The following MACF1 variants were observed in gnomAD, a reference collection of about 807,000 sequenced individuals.
MACF1 encodes microtubule-actin cross-linking factor 1.
In MACF1, 193 loss-of-function variants were observed where a neutral mutation model predicts 854.8. The observed-to-expected ratio is 0.23, with a 90% CI of 0.20 to 0.25. The LOEUF is 0.25. Ranked by LOEUF, MACF1 falls within the 10% of genes least tolerant of loss-of-function variation. The pLI is 1.00. For missense variants in MACF1, 7,722 were observed against 8,929.1 expected, an observed-to-expected ratio of 0.86 and a Z score of 5.45; for synonymous variants, 3,185 against 3,226.7, an observed-to-expected ratio of 0.99 and a Z score of 0.44.
Position 39,310,886 on chromosome 1 carries a change from G to C in MACF1, c.3156G>C (p.Arg1052=). 1 of 1,614,136 alleles carries C rather than the reference G, an allele frequency of 6.2e-7. No homozygotes were observed. The highest frequency in any genetic ancestry group is 8.5e-7 in the Non-Finnish European group (1 of 1,179,996). The change falls in exon 26 of 101, where the codon CGG becomes CGC. Residue 1052 remains arginine, a synonymous_variant. Transcript: ENST00000564288. The part of the protein sequence containing the change: ...KMYISELKNI[R]LRLEEYEQRV... ...ACATTTCAGAGTTGAAGAACATCCG[G>C]CTACGCCTGGAGGAGTATGAACAGA...
Position 39,303,587 on chromosome 1 carries a change from C to CAG in MACF1, c.2789+510_2789+511insGA, listed in dbSNP as rs1413849190. Among the ~76,000 whole-genome samples, 7 of 150,714 alleles carry CAG rather than the reference C, an allele frequency of 4.6e-5. No homozygotes were observed. In the East Asian group the frequency reaches 1.4e-3, roughly 29 times the overall value. ...AAAGATTGGGCTGGGCACAGTGGCT[C>CAG]ATGTCTGTAATCCCAACACTTTGGG... On this transcript the variant is annotated intron_variant, in intron 23 of 100. Coordinates refer to ENST00000564288, the MANE Select transcript of MACF1 (RefSeq NM_001394062.1).
At chr1:39,108,757 A>G (rs1642316446) in intron 2 of MACF1, among the ~76,000 whole-genome samples, 1 of 152,208 alleles carries the variant, frequency 6.6e-6, no homozygotes, top group South Asian at 2.1e-4. Context: ...AAACCAGCAC[A>G]CTTGGTTGAT....
chr1:39,264,629 G>A (rs1010854713), intron 6 of MACF1, among the ~76,000 whole-genome samples: 3 of 149,862 alleles, frequency 2.0e-5, no homozygotes, highest in African/African-American at 7.4e-5. Flanking sequence ...GAGACCGACT[G>A]ACTTTTTTGG....
chr1:39,420,623 T>A (rs1463254108), intron 58 of MACF1, among the ~76,000 whole-genome samples: 2 of 152,214 alleles, frequency 1.3e-5, no homozygotes, highest in Non-Finnish European at 2.9e-5. Context: ...TAGCCAGCCA[T>A]AGACCATTCT....
At chr1:39,408,779 C>G (rs1327334527) in intron 58 of MACF1, among the ~76,000 whole-genome samples, 4 of 151,944 alleles carry the variant, frequency 2.6e-5, no homozygotes, top group African/African-American at 9.7e-5. Context: ...CCTCTGGCCC[C>G]GGGGCGCGGT....
intron 1 of MACF1, among the ~76,000 whole-genome samples, chr1:39,209,046 G>A (rs1644486432): frequency 6.6e-6 from 1 of 150,760 alleles, no homozygotes; most frequent in African/African-American, 2.4e-5. Context: ...GAGGTCAGGA[G>A]TTCGAGACCA....
At chr1:39,125,540 G>C (rs1047867717) in intron 2 of MACF1, among the ~76,000 whole-genome samples, 3 of 152,170 alleles carry the variant, frequency 2.0e-5, no homozygotes, top group African/African-American at 4.8e-5. Flanking sequence ...TAGGGAAGCA[G>C]ATATACCAGA....
chr1:39,304,189 C>A (rs1433185515), intron 23 of MACF1: 1 of 127,560 alleles, frequency 7.8e-6, no homozygotes, highest in Admixed American at 8.0e-5. Context: ...CCCATCCCCC[C>A]ACCCCACAAC....
rs955362924 is a variant in MACF1 at position 39,268,715 on chromosome 1, C to T, written c.528+10687C>T. On this transcript the variant is annotated intron_variant, in intron 6 of 100. Transcript: ENST00000564288. ...GGAAGGAAATGGGAAATTCACTGGG[C>T]TGTTTTAAGGAGCCGAAAGAGTCAA... is the stretch of plus-strand genomic sequence containing the variant. 6 of 1,281,078 alleles carry T rather than the reference C, an allele frequency of 4.7e-6. No homozygotes were observed. The African/African-American group carries it at 9.2e-5, about 20-fold the overall frequency. 79.4% of individuals were successfully genotyped at this position (1,281,078 alleles called of 1,614,324 possible). A position where few individuals can be genotyped will look rare whatever the true frequency, so the allele number is the denominator to read the frequency against.
intron 43 of MACF1, among the ~76,000 whole-genome samples, chr1:39,352,193 T>C (rs1404580883): frequency 6.6e-6 from 1 of 152,200 alleles, no homozygotes; most frequent in East Asian, 1.9e-4. Context: ...GATTAATATA[T>C]AACTTGGCAT....
chr1:39,294,186 A>G (rs1007400700), intron 18 of MACF1, among the ~76,000 whole-genome samples: 2 of 152,228 alleles, frequency 1.3e-5, no homozygotes, highest in African/African-American at 4.8e-5. Context: ...TCATTTATTA[A>G]CTTTTTTGTT....
Position 39,465,083 on chromosome 1 carries a change from T to C in MACF1, c.21754-12T>C, listed in dbSNP as rs1200591937. 3 of 1,612,184 alleles carry C rather than the reference T, an allele frequency of 1.9e-6. No homozygotes were observed. The Admixed American group carries it at 5.0e-5, about 27-fold the overall frequency. ...CTCCTTTCCTCCATCCTTTACTCTT[T>C]ACTGTCTATAGTTCTTCCTCGGCAA... is the stretch of plus-strand genomic sequence containing the variant. On this transcript the variant is annotated splice_polypyrimidine_tract_variant and intron_variant, in intron 94 of 100. Coordinates refer to ENST00000564288, the MANE Select transcript of MACF1 (RefSeq NM_001394062.1).
At position 39,285,469 on chromosome 1, in the gene MACF1, A is replaced by C. The variant is rs967235206; in HGVS notation, c.1353+79A>C. 1.9e-6 allele frequency: 3 copies of C among 1,544,846 alleles called. No individual in the cohort carries two copies. The Admixed American group carries it at 5.3e-5, about 27-fold the overall frequency. On this transcript the variant is annotated intron_variant, in intron 13 of 100. Transcript: ENST00000564288. ...ACCCTCTGCTCTAATTGTTGAAGTT[A>C]GCAATCGAGGAATCCAGATGTATTA... is the stretch of plus-strand genomic sequence containing the variant.
chr1:39,412,685 A>G, intron 58 of MACF1: 1 of 1,614,038 alleles, frequency 6.2e-7, no homozygotes, highest in Non-Finnish European at 8.5e-7. Context: ...TCATTCCTAA[A>G]TATTTTTCCA....
intron 58 of MACF1, among the ~76,000 whole-genome samples, chr1:39,404,141 ATAAGTAAG>A (rs199609612): frequency 2.4e-4 from 33 of 138,114 alleles, no homozygotes; most frequent in African/African-American, 8.6e-4. Context: ...AAATAAATAA[ATAAGTAAG>A]TAAATAAATA....
intron 6 of MACF1, among the ~76,000 whole-genome samples, chr1:39,274,192 A>T (rs1052747079): frequency 7.9e-5 from 12 of 152,188 alleles, no homozygotes; most frequent in African/African-American, 2.9e-4. Flanking sequence ...TTTCCATTTC[A>T]AATAGAAAAT....
chr1:39,485,920 T>G lies in MACF1; in HGVS notation c.*126T>G. On this transcript the variant is annotated 3_prime_UTR_variant, in exon 101 of 101. Coordinates refer to ENST00000564288, the MANE Select transcript of MACF1 (RefSeq NM_001394062.1). ...TAAAAGAATAATTGTGTTATGAAGC[T>G]GCCTTATTTTTTTTCTTTTTGTAAG... The G allele has an allele frequency of 9.1e-7, 1 of 1,099,332 alleles. No homozygotes were observed. The highest frequency in any genetic ancestry group is 1.2e-6 in the Non-Finnish European group (1 of 848,452). 68.1% of individuals were successfully genotyped at this position (1,099,332 alleles called of 1,614,324 possible).
At chr1:39,127,024 G>T (rs1444542697) in intron 2 of MACF1, among the ~76,000 whole-genome samples, 1 of 152,004 alleles carries the variant, frequency 6.6e-6, no homozygotes, top group Non-Finnish European at 1.5e-5. Context: ...CTGAGGTTGG[G>T]AATTTGAGAC....
At position 39,380,241 on chromosome 1, in the gene MACF1, T is replaced by C. The variant is rs1162429001; in HGVS notation, c.13519-3T>C. On this transcript the variant is annotated splice_region_variant and splice_polypyrimidine_tract_variant and intron_variant, in intron 54 of 100. Coordinates refer to ENST00000564288, the MANE Select transcript of MACF1 (RefSeq NM_001394062.1). ...ATGGCATGCATGGCATTCTTTCTCC[T>C]AGGCCTTCCTGGCTGAGTTGGAACA... The C allele has an allele frequency of 1.9e-6, 3 of 1,612,226 alleles. No individual in the cohort carries two copies. The highest frequency in any genetic ancestry group is 2.5e-6 in the Non-Finnish European group (3 of 1,179,252).
Sources: gnomAD v4.1 joint callset for allele counts (sites outside exome capture counted in the v4.1 genomes callset) on GRCh38, gnomAD v4.1.1 for gene constraint, MANE v1.5 for transcripts, NCBI Gene and HGNC (gene_info 2026-07-23, HGNC 2026-07-21) for gene names.